NDUFAF6: variants seen among roughly 807,000 people sequenced by gnomAD.
NDUFAF6 encodes NADH:ubiquinone oxidoreductase complex assembly factor 6.
Under a neutral mutation model 40.8 loss-of-function variants are expected in NDUFAF6, and 45 were observed. The ratio of observed to expected loss-of-function variants is 1.10; its 90% CI spans 0.87 to 1.42. The LOEUF (loss-of-function observed/expected upper bound fraction) is 1.42, where lower values mean the gene tolerates loss of function less well. Among genes scored for constraint, NDUFAF6 ranks in the 40% most tolerant of loss-of-function variants. The pLI is 0.00. For missense variants in NDUFAF6, 435 were observed against 418.5 expected (o/e 1.04, Z -0.34); for synonymous variants, 185 against 155.9 (o/e 1.19, Z -1.39).
At chr8:94,997,929 G>T (rs989055934) in intron 2 of NDUFAF6, among the ~76,000 whole-genome samples, 18 of 152,148 alleles carry the variant, frequency 1.2e-4, no homozygotes, top group African/African-American at 3.9e-4. Context: ...CTGAAGATCT[G>T]TGGTTTTCCG....
chr8:94,932,058 GAA>G (rs1820462501), intron 1 of NDUFAF6: 1 of 1,607,904 alleles, frequency 6.2e-7, no homozygotes. Flanking sequence ...GTCTCAAAGT[GAA>G]TATACTTACT....
chr8:95,096,830 C>T (rs768370484), upstream of NDUFAF6, among the ~76,000 whole-genome samples: 1 of 152,184 alleles, frequency 6.6e-6, no homozygotes, highest in African/African-American at 2.4e-5. Context: ...GGGGCAAGAA[C>T]GTGCAAGTCT....
At chr8:95,116,039 G>C (rs1026234018) in intron 5 of NDUFAF6, among the ~76,000 whole-genome samples, 2 of 152,238 alleles carry the variant, frequency 1.3e-5, no homozygotes, top group Non-Finnish European at 2.9e-5. Flanking sequence ...TCGGGAGGCT[G>C]AGGCGGAAGA....
chr8:94,956,044 G>A (rs969527110), upstream of NDUFAF6, among the ~76,000 whole-genome samples: 1 of 152,140 alleles, frequency 6.6e-6, no homozygotes. Context: ...ATGGTTAAGA[G>A]CCCTAATTCT....
chr8:95,091,024 A>G (rs1312971629), intron 2 of NDUFAF6, among the ~76,000 whole-genome samples: 1 of 15,522 alleles, frequency 6.4e-5, no homozygotes, highest in Non-Finnish European at 9.6e-5. Context: ...ATATATATTA[A>G]TAAACTCATA....
chr8:95,043,548 T>C (rs10100838), intron 4 of NDUFAF6, among the ~76,000 whole-genome samples: 4,619 of 151,766 alleles, frequency 0.03, 235 homozygotes, highest in African/African-American at 0.1. Context: ...AAAAAAAAAA[T>C]CCTAATTTAA....
chr8:95,068,346 A>G (rs1447345886), intron 9 of NDUFAF6: 2 of 151,982 alleles, frequency 1.3e-5, no homozygotes, highest in East Asian at 3.8e-4. Flanking sequence ...ATCACTTAAA[A>G]ATACTATGAA....
rs893918519 is a variant in NDUFAF6 at position 95,058,082 on chromosome 8, T to A, written c.*145T>A. 1.2e-5 allele frequency: 18 copies of A among 1,464,840 alleles called. No homozygotes were observed. The African/African-American group carries it at 2.4e-4, about 20-fold the overall frequency. 90.7% of individuals were successfully genotyped at this position (1,464,840 alleles called of 1,614,324 possible). On this transcript the variant is annotated 3_prime_UTR_variant, in exon 9 of 9. Coordinates refer to ENST00000396124, the MANE Select transcript of NDUFAF6 (RefSeq NM_152416.4). ...CAAGTAGCTCACAAAATTGAGAAGT[T>A]GCCGTGGGACTAGGGTGCCAAGACT...
At chr8:95,095,872 C>T (rs966797418), upstream of NDUFAF6, among the ~76,000 whole-genome samples, 37 of 152,012 alleles carry the variant, frequency 2.4e-4, 1 homozygote, top group Non-Finnish European at 1.6e-4. Flanking sequence ...GCAATGTTGG[C>T]CAGGCTAGTC....
chr8:94,960,591 T>G (rs13281709), intron 1 of NDUFAF6, among the ~76,000 whole-genome samples: 10 of 152,010 alleles, frequency 6.6e-5, no homozygotes, highest in African/African-American at 2.4e-4. Flanking sequence ...TTTATTCCAA[T>G]TGGCAGAACG....
At chr8:95,077,909 C>A (rs966025138), downstream of NDUFAF6, among the ~76,000 whole-genome samples, 1 of 152,040 alleles carries the variant, frequency 6.6e-6, no homozygotes, top group African/African-American at 2.4e-5. Context: ...CATGGCCAGC[C>A]CCCCGAGATG....
At chr8:94,902,601 T>G (rs1002269625) in intron 1 of NDUFAF6, among the ~76,000 whole-genome samples, 2 of 152,106 alleles carry the variant, frequency 1.3e-5, no homozygotes, top group Non-Finnish European at 2.9e-5. Flanking sequence ...ATGGATATGC[T>G]ACACTTTGTT....
downstream of NDUFAF6, among the ~76,000 whole-genome samples, chr8:95,105,715 C>T (rs1253836844): frequency 6.6e-6 from 1 of 152,038 alleles, no homozygotes; most frequent in Non-Finnish European, 1.5e-5. Context: ...GTTGGCCAGG[C>T]TGGTCTTGAA....
intron 2 of NDUFAF6, among the ~76,000 whole-genome samples, chr8:95,082,597 A>G (rs1587251924): frequency 6.7e-6 from 1 of 150,114 alleles, no homozygotes; most frequent in Non-Finnish European, 1.5e-5. Flanking sequence ...GGGTGGGAGG[A>G]GCTTTCATAT....
chr8:95,080,524 G>A (rs1162308324), downstream of NDUFAF6, among the ~76,000 whole-genome samples: 15 of 150,430 alleles, frequency 1.0e-4, no homozygotes, highest in African/African-American at 3.7e-4. Flanking sequence ...TATTTTTGTA[G>A]TGTATTTTGG....
chr8:94,905,653 T>A (rs746357385), intron 1 of NDUFAF6, among the ~76,000 whole-genome samples: 4 of 152,228 alleles, frequency 2.6e-5, no homozygotes, highest in African/African-American at 4.8e-5. Flanking sequence ...CAAAGCTACC[T>A]GGGTGCCCTC....
intron 1 of NDUFAF6, among the ~76,000 whole-genome samples, chr8:94,971,898 A>G (rs147091664): frequency 0.014 from 2,198 of 151,850 alleles, 21 homozygotes; most frequent in Admixed American, 0.017. Flanking sequence ...AGATTGTGCC[A>G]TTGCACTCCA....
At chr8:95,083,748 T>C (rs1301552887) in intron 2 of NDUFAF6, among the ~76,000 whole-genome samples, 1 of 152,228 alleles carries the variant, frequency 6.6e-6, no homozygotes, top group East Asian at 1.9e-4. Flanking sequence ...GCAATGATCA[T>C]AGGTGGTATT....
chr8:95,103,980 C>T (rs566149074), downstream of NDUFAF6, among the ~76,000 whole-genome samples: 1 of 152,300 alleles, frequency 6.6e-6, no homozygotes, highest in South Asian at 2.1e-4. Flanking sequence ...TATAAGGCTG[C>T]TCCATCAGTT....
Sources: allele counts gnomAD v4.1 joint callset (sites outside exome capture counted in the v4.1 genomes callset), GRCh38; gene constraint gnomAD v4.1.1; transcripts MANE v1.5; gene names NCBI Gene and HGNC (gene_info 2026-07-23, HGNC 2026-07-21).